The following FBXO41 variants were observed in gnomAD, a reference collection of about 807,000 sequenced individuals.
FBXO41 encodes F-box protein 41, also known as F-box only protein 41.
In FBXO41, 33 loss-of-function variants were observed where a neutral mutation model predicts 81.6. That is an observed-to-expected ratio of 0.40 (90% CI 0.31 to 0.54). FBXO41 has a LOEUF of 0.54. Ranked by LOEUF, FBXO41 falls within the 20% of genes least tolerant of loss-of-function variation. The pLI is 0.39. For synonymous variants in FBXO41, 576 were observed against 552.7 expected, an observed-to-expected ratio of 1.04 and a Z score of -0.59; for missense variants, 1,107 against 1,236.0, an observed-to-expected ratio of 0.90 and a Z score of 1.56.
Position 73,269,815 on chromosome 2 carries a change from A to C in FBXO41, c.-138-47T>G. The C allele has an allele frequency of 4.2e-6, 1 of 235,756 alleles. No homozygotes were observed. Among genetic ancestry groups the C allele is most frequent in the Non-Finnish European group, 7.7e-6 (1 of 129,466 alleles). 14.6% of individuals were successfully genotyped at this position (235,756 alleles called of 1,614,324 possible). A position where few individuals can be genotyped will look rare whatever the true frequency, so the allele number is the denominator to read the frequency against. ...TTAGGAAGAGGGTATCGCTGCTCCC[A>C]CCCTGGCTCCCAGCCCGGAGCCCTC... On this transcript the variant is annotated intron_variant, in intron 1 of 12. Coordinates refer to ENST00000520530, the MANE Select transcript of FBXO41 (RefSeq NM_001371389.2). This position sits in a 1 kb window ranked among gnomAD's most constrained non-coding sequence, Gnocchi z 7.0.
chr2:73,279,299 T>C (rs1300487931), intron 1 of FBXO41, among the ~76,000 whole-genome samples: 1 of 152,092 alleles, frequency 6.6e-6, no homozygotes, highest in Non-Finnish European at 1.5e-5. Flanking sequence ...GTGGATTCCA[T>C]GAGGTTGAGG....
Position 73,266,497 on chromosome 2 carries a change from C to G in FBXO41, c.1091G>C (p.Gly364Ala). 1 of 1,585,244 alleles carries G rather than the reference C, an allele frequency of 6.3e-7. No homozygotes were observed. The highest frequency in any genetic ancestry group is 1.1e-5 in the South Asian group (1 of 87,858). Residue 364 changes from glycine (G) to alanine (A), a missense_variant, in exon 3 of 13, where the codon GGC becomes GCC. Physicochemically the swap from Gly to Ala is moderately conservative, Grantham distance 60 (BLOSUM62 0). Coordinates refer to ENST00000520530, the MANE Select transcript of FBXO41 (RefSeq NM_001371389.2). The surrounding 1 kb of genome is among the most constrained non-coding windows in gnomAD (Gnocchi z 5.3). ...CCGGGCATTGGGTCCAGCACCACCGCCCCCACCTCCACGGCCCAGGCTGGC... is the reference window on the plus strand; with the variant it reads ...CCGGGCATTGGGTCCAGCACCACCGGCCCCACCTCCACGGCCCAGGCTGGC... ...PSASLGRGGG[G>A]GGAGPNARGP...
intron 2 of FBXO41, among the ~76,000 whole-genome samples, chr2:73,267,890 A>G (rs546835647): frequency 1.3e-5 from 2 of 152,328 alleles, no homozygotes; most frequent in African/African-American, 2.4e-5. Context: ...GGTTGTACAT[A>G]CTGTTTTTCA....
chr2:73,264,549 C>T lies in FBXO41; in HGVS notation c.1565-30G>A, dbSNP rs368253560. On this transcript the variant is annotated intron_variant, in intron 5 of 12. Transcript: ENST00000520530. ...AGAATACCAGGGGTTCAAAAGTGAG[C>T]GTGGAGGGTCAAGGCTGGTGTGGGG... The T allele has an allele frequency of 1.5e-4, 237 of 1,611,020 alleles. 1 individual carries two copies. The highest frequency in any genetic ancestry group is 4.7e-4 in the South Asian group (43 of 90,958).
Position 73,260,813 on chromosome 2 carries a change from AC to A in FBXO41, c.2216del (p.Gly739ValfsTer56). ...GGGCCCGCAGGTGGGGCCAACAGCG[AC>A]CAATCATCTGCAGGCAGCGGTTACT... ...RFSNRCLQMI[G>X]RCWPHLRALG... is the part of the protein sequence containing the mutation. On this transcript the variant is annotated frameshift_variant, in exon 10 of 13. Transcript: ENST00000520530. LOFTEE classifies it high-confidence loss of function. The surrounding 1 kb of genome is among the most constrained non-coding windows in gnomAD (Gnocchi z 5.0). 1 of 1,569,976 alleles carries A rather than the reference AC, an allele frequency of 6.4e-7. No homozygotes were observed. The highest frequency in any genetic ancestry group is 8.6e-7 in the Non-Finnish European group (1 of 1,156,366).
At chr2:73,263,553 C>T in intron 8 of FBXO41, 125 bp downstream of exon 8, 2 of 1,270,826 alleles carry the variant, frequency 1.6e-6, no homozygotes, top group South Asian at 1.5e-5. Context: ...GCTTCCTTTC[C>T]TTCAGCCATA....
chr2:73,269,190 C>G lies in FBXO41; in HGVS notation c.441G>C (p.Leu147=). Reference sequence around the variant, plus strand: ...CCCCCAGCGGGATCTCGATCTCGCGCAGCGCATAGCGCGCTGCTGCGGCGG... The same window carrying G: ...CCCCCAGCGGGATCTCGATCTCGCGGAGCGCATAGCGCGCTGCTGCGGCGG... ...LVPAAAARYA[L]REIEIPLGEL... The change falls in exon 2 of 13, where the codon CTG becomes CTC. Residue 147 remains leucine, a synonymous_variant. Coordinates refer to ENST00000520530, the MANE Select transcript of FBXO41 (RefSeq NM_001371389.2). This position sits in a 1 kb window ranked among gnomAD's most constrained non-coding sequence, Gnocchi z 7.0. 6.5e-7 allele frequency: 1 copy of G among 1,528,698 alleles called. No homozygotes were observed. The highest frequency in any genetic ancestry group is 1.2e-5 in the South Asian group (1 of 82,434). The allele number at this position is 1,528,698 out of a possible 1,614,324, so 94.7% of individuals were successfully genotyped here. A position where few individuals can be genotyped will look rare whatever the true frequency, so the allele number is the denominator to read the frequency against.
At position 73,259,142 on chromosome 2, in the gene FBXO41, C is replaced by T; in HGVS notation, c.2565+39G>A. ...GTCACCAGCCCCAGTCTAGGGATGCCACTTGGGGTCTTGGACAGCCTCAGA... is the reference window on the plus strand; with the variant it reads ...GTCACCAGCCCCAGTCTAGGGATGCTACTTGGGGTCTTGGACAGCCTCAGA... On this transcript the variant is annotated intron_variant, in intron 12 of 12. Transcript: ENST00000520530. This position sits in a 1 kb window ranked among gnomAD's most constrained non-coding sequence, Gnocchi z 4.2. 4 of 1,612,398 alleles carry T rather than the reference C, an allele frequency of 2.5e-6. No individual in the cohort carries two copies. Among genetic ancestry groups the T allele is most frequent in the South Asian group, 1.1e-5 (1 of 91,024 alleles).
chr2:73,259,176 C>G lies in FBXO41; in HGVS notation c.2565+5G>C, dbSNP rs754754460. The G allele has an allele frequency of 6.2e-7, 1 of 1,613,916 alleles. No individual in the cohort carries two copies. Among genetic ancestry groups the G allele is most frequent in the Non-Finnish European group, 8.5e-7 (1 of 1,179,786 alleles). On this transcript the variant is annotated splice_donor_5th_base_variant and intron_variant, in intron 12 of 12. Coordinates refer to ENST00000520530, the MANE Select transcript of FBXO41 (RefSeq NM_001371389.2). This position sits in a 1 kb window ranked among gnomAD's most constrained non-coding sequence, Gnocchi z 4.2. ...TCTTGGACAGCCTCAGAGCTGACCC[C>G]TCACCTGGAGTTTTGTCACCATGTC...
intron 1 of FBXO41, among the ~76,000 whole-genome samples, chr2:73,280,882 C>T (rs1430151867): frequency 6.6e-6 from 1 of 152,224 alleles, no homozygotes; most frequent in Non-Finnish European, 1.5e-5. Context: ...AGGAATCACA[C>T]TGAATAATGG....
At position 73,260,404 on chromosome 2, in the gene FBXO41, G is replaced by A. The variant is rs749820381; in HGVS notation, c.2434C>T (p.Leu812=). 29 of 1,612,726 alleles carry A rather than the reference G, an allele frequency of 1.8e-5. No individual in the cohort carries two copies. The highest frequency in any genetic ancestry group is 2.1e-5 in the Non-Finnish European group (25 of 1,179,444). The stretch of plus-strand genomic sequence containing the variant: ...CAGTGCTCACTGTTGAAGTGCAGTA[G>A]GGCCTTAGGGGTGACGGGAGTCGCC... ...LTATPVTPKA[L]LHFNSICRNL... is the part of the protein sequence containing the mutation. Residue 812 remains leucine (L), a synonymous_variant, in exon 11 of 13, where the codon CTA becomes TTA. Coordinates refer to ENST00000520530, the MANE Select transcript of FBXO41 (RefSeq NM_001371389.2). This position sits in a 1 kb window ranked among gnomAD's most constrained non-coding sequence, Gnocchi z 5.0.
In FBXO41 at chr2:73,265,772, A is replaced by C. The variant is rs535512832; in HGVS notation, c.1205+121T>G. 8.0e-5 allele frequency: 114 copies of C among 1,432,180 alleles called. 1 individual carries two copies. In the African/African-American group the frequency reaches 1.5e-3, roughly 19 times the overall value. The allele number at this position is 1,432,180 out of a possible 1,614,324, so 88.7% of individuals were successfully genotyped here. ...CCAAAAGCCCCCTCTGGGTGTGGAA[A>C]GGCAGACATACGTGACCCAGGGAGG... is the stretch of plus-strand genomic sequence containing the variant. On this transcript the variant is annotated intron_variant, in intron 4 of 12. Coordinates refer to ENST00000520530, the MANE Select transcript of FBXO41 (RefSeq NM_001371389.2).
At chr2:73,268,590 C>T in intron 2 of FBXO41, 136 bp downstream of exon 2, 1 of 830,602 alleles carries the variant, frequency 1.2e-6, no homozygotes, top group Non-Finnish European at 1.8e-6. Flanking sequence ...GCCCCACATG[C>T]ATGCTCCTGG....
chr2:73,283,656 T>C (rs1242686253), intron 1 of FBXO41, among the ~76,000 whole-genome samples: 1 of 152,206 alleles, frequency 6.6e-6, no homozygotes, highest in Non-Finnish European at 1.5e-5. Context: ...GTACAGGCAC[T>C]GGATGTGAAG....
At chr2:73,280,009 C>G (rs1444648149) in intron 1 of FBXO41, among the ~76,000 whole-genome samples, 3 of 152,094 alleles carry the variant, frequency 2.0e-5, no homozygotes, top group Non-Finnish European at 4.4e-5. Flanking sequence ...GTGACTAATA[C>G]TGAACTCACA....
chr2:73,275,245 C>T (rs1482704774), intron 1 of FBXO41, among the ~76,000 whole-genome samples: 2 of 151,448 alleles, frequency 1.3e-5, no homozygotes, highest in South Asian at 2.1e-4. Flanking sequence ...AGTGGTGTGG[C>T]GATCTTGGCT....
chr2:73,265,674 G>C (rs1357723791), intron 4 of FBXO41, 34 bp from the exon 5 acceptor site: 3 of 1,470,222 alleles, frequency 2.0e-6, no homozygotes, highest in Admixed American at 2.5e-5. Flanking sequence ...TAAGGGGTAA[G>C]AGGCACCAGG....
At position 73,266,882 on chromosome 2, in the gene FBXO41, G is replaced by T; in HGVS notation, c.906-200C>A. 1 of 765,542 alleles carries T rather than the reference G, an allele frequency of 1.3e-6. No homozygotes were observed. The highest frequency in any genetic ancestry group is 1.9e-6 in the Non-Finnish European group (1 of 533,706). 47.4% of individuals were successfully genotyped at this position (765,542 alleles called of 1,614,324 possible). A position where few individuals can be genotyped will look rare whatever the true frequency, so the allele number is the denominator to read the frequency against. On this transcript the variant is annotated intron_variant, in intron 2 of 12. Transcript: ENST00000520530. The surrounding 1 kb of genome is among the most constrained non-coding windows in gnomAD (Gnocchi z 5.3). ...ACAGAAATGCATGCATGCACTCCGAGCCACACACTCACACCCCACCCACCT... is the reference window on the plus strand; with the variant it reads ...ACAGAAATGCATGCATGCACTCCGATCCACACACTCACACCCCACCCACCT...
chr2:73,266,083 A>C lies in FBXO41; in HGVS notation c.1132-117T>G. On this transcript the variant is annotated intron_variant, in intron 3 of 12. Coordinates refer to ENST00000520530, the MANE Select transcript of FBXO41 (RefSeq NM_001371389.2). The surrounding 1 kb of genome is among the most constrained non-coding windows in gnomAD (Gnocchi z 5.3). The stretch of plus-strand genomic sequence containing the variant: ...GAGGAGATGGGGGAGAGGAGAGAGA[A>C]GGGAAAATAGTTGGGAAAGATGGAC... The C allele has an allele frequency of 3.3e-6, 3 of 911,972 alleles. No individual in the cohort carries two copies. The highest frequency in any genetic ancestry group is 5.1e-6 in the Non-Finnish European group (3 of 585,812). The allele number at this position is 911,972 out of a possible 1,614,324, so 56.5% of individuals were successfully genotyped here. A position where few individuals can be genotyped will look rare whatever the true frequency, so the allele number is the denominator to read the frequency against.
Sources: gnomAD v4.1 joint callset for allele counts (sites outside exome capture counted in the v4.1 genomes callset) on GRCh38, gnomAD v4.1.1 for gene constraint, Gnocchi (gnomAD v3.1) non-coding constraint, MANE v1.5 for transcripts, NCBI Gene and HGNC (gene_info 2026-07-23, HGNC 2026-07-21) for gene names.